Variants in CMSS1 observed in about 807,000 individuals in gnomAD.
The protein encoded by CMSS1 is protein CMSS1.
Under a neutral mutation model 43.5 loss-of-function variants are expected in CMSS1, and 33 were observed. The ratio of observed to expected loss-of-function variants is 0.76; its 90% confidence interval spans 0.57 to 1.01. The LOEUF (loss-of-function observed/expected upper bound fraction) is 1.01. CMSS1 is among the 50% of genes least tolerant of loss of function. The pLI is 0.00. For synonymous variants in CMSS1, 115 were observed against 117.2 expected (o/e 0.98, Z 0.12); for missense variants, 313 against 326.4 (o/e 0.96, Z 0.32).
chr3:99,842,729 A>G (rs1225695506), intron 1 of CMSS1, among the ~76,000 whole-genome samples: 1 of 152,254 alleles, frequency 6.6e-6, no homozygotes, highest in Non-Finnish European at 1.5e-5. Flanking sequence ...GGAATGGCTG[A>G]CTGCAATGCC....
At chr3:99,828,407 G>A (rs1204762978) in intron 1 of CMSS1, among the ~76,000 whole-genome samples, 2 of 30,032 alleles carry the variant, frequency 6.7e-5, no homozygotes, top group East Asian at 1.9e-3. Context: ...CTGTACATAC[G>A]TGTATTTTTT....
At chr3:100,063,026 G>A (rs117206444) in intron 1 of CMSS1, among the ~76,000 whole-genome samples, 4 of 152,174 alleles carry the variant, frequency 2.6e-5, no homozygotes, top group Non-Finnish European at 4.4e-5. Context: ...GAGTTCTCAG[G>A]CATCCTCAAG....
At chr3:100,135,833 AGTACTTT>A (rs961302661) in intron 1 of CMSS1, among the ~76,000 whole-genome samples, 1 of 152,036 alleles carries the variant, frequency 6.6e-6, no homozygotes, top group African/African-American at 2.4e-5. Context: ...TTTTGTTCTT[AGTACTTT>A]GCCTTCTGTC....
At chr3:100,045,838 A>T (rs1460017411) in intron 1 of CMSS1, among the ~76,000 whole-genome samples, 1 of 152,142 alleles carries the variant, frequency 6.6e-6, no homozygotes, top group Non-Finnish European at 1.5e-5. Flanking sequence ...TGGCATTCCT[A>T]ATGATGATAA....
At chr3:100,048,510 G>A (rs1380213515) in intron 1 of CMSS1, among the ~76,000 whole-genome samples, 1 of 152,184 alleles carries the variant, frequency 6.6e-6, no homozygotes, top group Non-Finnish European at 1.5e-5. Context: ...AGCCCACCCT[G>A]AAGCCATATC....
chr3:99,970,955 G>A (rs188597887), intron 1 of CMSS1, among the ~76,000 whole-genome samples: 181 of 152,322 alleles, frequency 1.2e-3, no homozygotes, highest in African/African-American at 4.2e-3. Context: ...AATAGGGCTT[G>A]GCAGTGCTCC....
intron 1 of CMSS1, among the ~76,000 whole-genome samples, chr3:100,146,098 A>G (rs183862703): frequency 6.6e-6 from 1 of 152,362 alleles, no homozygotes; most frequent in African/African-American, 2.4e-5. Context: ...GAATGAGTAA[A>G]GTCTTTCATA....
chr3:100,126,582 T>C (rs1385839881), intron 1 of CMSS1, among the ~76,000 whole-genome samples: 2 of 152,212 alleles, frequency 1.3e-5, no homozygotes, highest in African/African-American at 4.8e-5. Flanking sequence ...TATTTTTCTT[T>C]CATATTCACT....
intron 1 of CMSS1, among the ~76,000 whole-genome samples, chr3:99,950,263 T>G (rs1193088499): frequency 6.6e-6 from 1 of 152,220 alleles, no homozygotes; most frequent in Non-Finnish European, 1.5e-5. Context: ...TAGACTATAT[T>G]ACTGGAAAAG....
chr3:100,154,601 G>A (rs2066954590), intron 2 of CMSS1, among the ~76,000 whole-genome samples: 1 of 152,156 alleles, frequency 6.6e-6, no homozygotes, highest in South Asian at 2.1e-4. Flanking sequence ...TCTTTATAAT[G>A]AACATGCTTG....
At position 100,162,413 on chromosome 3, in the gene CMSS1, A is replaced by T; in HGVS notation, c.336A>T (p.Leu112Phe). The T allele has an allele frequency of 6.2e-7, 1 of 1,613,006 alleles. No homozygotes were observed. Among genetic ancestry groups the T allele is most frequent in the African/African-American group, 1.3e-5 (1 of 75,012 alleles). ...GCAGCAGACGCTTGGTGATTGAATT[A>T]GAAGAACTGAACCTGCCAGGTATAG... ...YYSSRRLVIELEELNLPDSCF... is the reference protein window; with the variant it reads ...YYSSRRLVIEFEELNLPDSCF... Residue 112 changes from leucine (L) to phenylalanine (F), a missense_variant, in exon 4 of 10, where the codon TTA (leucine) becomes TTT (phenylalanine). Leu to Phe is a conservative substitution (Grantham distance 22, BLOSUM62 0). Transcript: ENST00000421999.
At chr3:99,828,461 T>G (rs901085120) in intron 1 of CMSS1, among the ~76,000 whole-genome samples, 1 of 151,472 alleles carries the variant, frequency 6.6e-6, no homozygotes, top group Non-Finnish European at 1.5e-5. Flanking sequence ...TTTTTTTTTT[T>G]TTTCCCCACA....
chr3:100,129,939 ACT>A (rs1265593882), intron 1 of CMSS1, among the ~76,000 whole-genome samples: 16 of 152,028 alleles, frequency 1.1e-4, no homozygotes, highest in African/African-American at 3.6e-4. Flanking sequence ...AGTGTTTATT[ACT>A]GTTTCCTTTT....
chr3:99,936,599 C>A (rs982421658), intron 1 of CMSS1, among the ~76,000 whole-genome samples: 4 of 145,454 alleles, frequency 2.8e-5, no homozygotes, highest in Admixed American at 6.9e-5. Flanking sequence ...TGGTCTTGAT[C>A]TTGACCTTGT....
At chr3:99,856,121 GCT>G (rs1943953076) in intron 1 of CMSS1, among the ~76,000 whole-genome samples, 2 of 151,840 alleles carry the variant, frequency 1.3e-5, no homozygotes, top group African/African-American at 4.8e-5. Context: ...GCTCTGCTCT[GCT>G]CTGCTCTGCT....
At chr3:100,161,563 A>G (rs558654493) in intron 3 of CMSS1, among the ~76,000 whole-genome samples, 2 of 152,228 alleles carry the variant, frequency 1.3e-5, no homozygotes, top group Admixed American at 1.3e-4. Context: ...AGGAGGGGGA[A>G]AATCTGGGGT....
chr3:100,042,554 C>A (rs1487379458), intron 1 of CMSS1, among the ~76,000 whole-genome samples: 3 of 152,140 alleles, frequency 2.0e-5, no homozygotes, highest in Non-Finnish European at 2.9e-5. Context: ...TATTTTAATT[C>A]TTTGGAAATT....
chr3:99,842,082 T>C (rs1457112234), intron 1 of CMSS1, among the ~76,000 whole-genome samples: 1 of 152,116 alleles, frequency 6.6e-6, no homozygotes, highest in Non-Finnish European at 1.5e-5. Flanking sequence ...TGGAACCAGC[T>C]CAAATGTCCA....
chr3:100,088,839 G>T (rs1217282415), intron 1 of CMSS1, among the ~76,000 whole-genome samples: 1 of 151,886 alleles, frequency 6.6e-6, no homozygotes, highest in Non-Finnish European at 1.5e-5. Context: ...TTCTTTCTCT[G>T]GGTAGTATTT....
Sources: gnomAD v4.1 joint callset for allele counts (sites outside exome capture counted in the v4.1 genomes callset) on GRCh38, gnomAD v4.1.1 for gene constraint, MANE v1.5 for transcripts, NCBI Gene and HGNC (gene_info 2026-07-23, HGNC 2026-07-21) for gene names.